Variants in REST observed in about 807,000 individuals in gnomAD.
REST encodes the protein RE1 silencing transcription factor.
REST carries 1 observed loss-of-function variant against 30.4 expected under a neutral mutation model. The observed-to-expected ratio is 0.03, with a 90% confidence interval of 0.01 to 0.16. The LOEUF is 0.16. REST is among the 10% of genes least tolerant of loss of function. The pLI is 1.00. For missense variants in REST, 1,259 were observed against 1,329.5 expected, an observed-to-expected ratio of 0.95 and a Z score of 0.82; for synonymous variants, 504 against 451.1, an observed-to-expected ratio of 1.12 and a Z score of -1.49.
At chr4:56,915,624 C>A (rs527725271) in intron 2 of REST, among the ~76,000 whole-genome samples, 27 of 152,150 alleles carry the variant, frequency 1.8e-4, no homozygotes, top group Non-Finnish European at 3.2e-4. Context: ...CTGAAAGTAT[C>A]TCTGGTATTA....
chr4:56,918,887 T>C (rs756560569), intron 2 of REST, among the ~76,000 whole-genome samples: 1 of 151,966 alleles, frequency 6.6e-6, no homozygotes, highest in Non-Finnish European at 1.5e-5. Context: ...CCCAGGCTAG[T>C]CTTGAACTCC....
chr4:56,927,754 C>A, intron 3 of REST: 1 of 425,164 alleles, frequency 2.4e-6, no homozygotes, highest in South Asian at 2.5e-5. Context: ...TGTGACTTTG[C>A]TTATTTTACA....
chr4:56,919,248 T>C (rs1720340074), intron 2 of REST, among the ~76,000 whole-genome samples: 1 of 152,164 alleles, frequency 6.6e-6, no homozygotes, highest in African/African-American at 2.4e-5. Context: ...GAGGTATTGC[T>C]GTGTTGCCCA....
At chr4:56,913,303 A>G (rs1262359373) in intron 2 of REST, among the ~76,000 whole-genome samples, 2 of 152,132 alleles carry the variant, frequency 1.3e-5, no homozygotes, top group African/African-American at 4.8e-5. Context: ...GGGACTACAG[A>G]TGTGCCCTAC....
rs773645911 is a variant in REST at position 56,931,437 on chromosome 4, T to A, written c.2579T>A (p.Leu860His). The change falls in exon 4 of 4, where the codon CTC (leucine) becomes CAC (histidine). Residue 860 changes from leucine to histidine, a missense_variant. By Grantham distance (99) the Leu-to-His change is moderately conservative. Around this residue, in one of 5 missense-constraint regions of REST, gnomAD observed 856 missense variants for 772.8 expected, o/e 1.11. Coordinates refer to ENST00000309042, the MANE Select transcript of REST (RefSeq NM_005612.5). ...AAGGAAAGTGTAAGCACAGAGGATC[T>A]CTCACCACCATCACCACCACTGCCA... ...LLKESVSTED[L>H]SPPSPPLPKE... is the part of the protein sequence containing the mutation. 4.5e-5 allele frequency: 72 copies of A among 1,614,204 alleles called. No individual in the cohort carries two copies. The highest frequency in any genetic ancestry group is 4.7e-5 in the Non-Finnish European group (55 of 1,180,038).
Position 56,931,467 on chromosome 4 carries a change from A to G in REST, c.2609A>G (p.Glu870Gly), listed in dbSNP as rs1720968868. The change falls in exon 4 of 4, where the codon GAA (glutamate) becomes GGA (glycine). Residue 870 changes from glutamate (E) to glycine (G), a missense_variant. This residue lies in a region of REST where 856 missense variants were observed against 772.8 expected (regional missense o/e 1.11). Transcript: ENST00000309042. ...LSPPSPPLPK[E>G]NLREEASGDQ... ...CCACCATCACCACCACTGCCAAAGG[A>G]AAATTTAAGAGAAGAGGCATCAGGA... 6.2e-7 allele frequency: 1 copy of G among 1,614,220 alleles called. No individual in the cohort carries two copies. Among genetic ancestry groups the G allele is most frequent in the East Asian group, 2.2e-5 (1 of 44,892 alleles).
In REST at chr4:56,931,321, G is replaced by A; in HGVS notation, c.2463G>A (p.Lys821=). The change falls in exon 4 of 4, where the codon AAG becomes AAA. Residue 821 remains lysine (K), a synonymous_variant. Transcript: ENST00000309042. ...AGCCTCCTCTCCGAAAAGATAAAAA[G>A]GAAAAGTCTAACATGCAGAGTGAAA... ...SKKPPLRKDK[K]EKSNMQSERA... is the part of the protein sequence containing the mutation. 6.2e-7 allele frequency: 1 copy of A among 1,614,238 alleles called. No homozygotes were observed. The highest frequency in any genetic ancestry group is 1.6e-4 in the Middle Eastern group (1 of 6,062).
chr4:56,910,885 A>C lies in REST; in HGVS notation c.247A>C (p.Asn83His). 1 of 1,614,206 alleles carries C rather than the reference A, an allele frequency of 6.2e-7. No individual in the cohort carries two copies. The highest frequency in any genetic ancestry group is 1.1e-5 in the South Asian group (1 of 91,080). The change falls in exon 2 of 4, where the codon AAC becomes CAC. Residue 83 changes from asparagine (N) to histidine (H), a missense_variant. By Grantham distance (68) the Asn-to-His change is moderately conservative. Coordinates refer to ENST00000309042, the MANE Select transcript of REST (RefSeq NM_005612.5). ...AGAACTGATGCCGGTTGGGGATAAC[A>C]ACTTTTCAGATAGTGAAGAAGGAGA... Reference protein sequence around the residue: ...MAELMPVGDNNFSDSEEGEGL... With the variant: ...MAELMPVGDNHFSDSEEGEGL...
chr4:56,917,157 CT>C (rs1000375041), intron 2 of REST, among the ~76,000 whole-genome samples: 1 of 151,962 alleles, frequency 6.6e-6, no homozygotes, highest in African/African-American at 2.4e-5. Context: ...ATTTGTAAAT[CT>C]TTTTTTTACA....
chr4:56,909,908 G>A (rs990478120), intron 1 of REST, among the ~76,000 whole-genome samples: 4 of 152,168 alleles, frequency 2.6e-5, no homozygotes, highest in Non-Finnish European at 4.4e-5. Context: ...TCAGTGTTGT[G>A]GAACTTCAGC....
chr4:56,920,012 G>A (rs369444880), intron 3 of REST, 142 bp downstream of exon 3: 52 of 416,354 alleles, frequency 1.2e-4, no homozygotes, highest in Admixed American at 2.8e-4. Context: ...TCAGTATTCC[G>A]TCAATCTGGG....
chr4:56,918,584 GCTCT>G (rs982887790), intron 2 of REST, among the ~76,000 whole-genome samples: 3 of 151,920 alleles, frequency 2.0e-5, no homozygotes, highest in East Asian at 1.9e-4. Flanking sequence ...TTAGAGACAG[GCTCT>G]CTCTCTGTAC....
chr4:56,935,793 A>G lies in REST; in HGVS notation c.*3641A>G, dbSNP rs1304316501. 2.6e-5 allele frequency: 4 copies of G among 152,256 alleles called. No individual in the cohort carries two copies. Among genetic ancestry groups the G allele is most frequent in the African/African-American group, 9.6e-5 (4 of 41,474 alleles). The allele number at this position is 152,256 out of a possible 1,614,324, so 9.4% of individuals were successfully genotyped here. A position where few individuals can be genotyped will look rare whatever the true frequency, so the allele number is the denominator to read the frequency against. On this transcript the variant is annotated 3_prime_UTR_variant, in exon 4 of 4. Coordinates refer to ENST00000309042, the MANE Select transcript of REST (RefSeq NM_005612.5). ...CTTAAATTGCATTCTATTAACCAATATGAGTGTATTTCTGTAAGCATAGTT... is the reference window on the plus strand; with the variant it reads ...CTTAAATTGCATTCTATTAACCAATGTGAGTGTATTTCTGTAAGCATAGTT...
rs544621365 is a variant in REST, at chr4:56,925,184, A to G, written c.983-4657A>G. Among the ~76,000 whole-genome samples, 75 of 149,634 alleles carry G rather than the reference A, an allele frequency of 5.0e-4. 1 individual carries two copies. In the South Asian group the frequency reaches 0.014, roughly 28 times the overall value. The stretch of plus-strand genomic sequence containing the variant: ...AGTCTCAAAAAAAAAAAAAAAAAAA[A>G]TTTCTTTGCCATTCTCTCTTGGTTT... On this transcript the variant is annotated intron_variant, in intron 3 of 3. Transcript: ENST00000309042.
chr4:56,934,220 C>G lies in REST; in HGVS notation c.*2068C>G, dbSNP rs987659190. The G allele has an allele frequency of 6.6e-6, 1 of 152,144 alleles. No individual in the cohort carries two copies. The highest frequency in any genetic ancestry group is 2.4e-5 in the African/African-American group (1 of 41,426). The allele number at this position is 152,144 out of a possible 1,614,324, so 9.4% of individuals were successfully genotyped here. A position where few individuals can be genotyped will look rare whatever the true frequency, so the allele number is the denominator to read the frequency against. On this transcript the variant is annotated 3_prime_UTR_variant, in exon 4 of 4. Coordinates refer to ENST00000309042, the MANE Select transcript of REST (RefSeq NM_005612.5). ...AAAGCTAGTTAAGTCTTTCTAATGA[C>G]TAGTTTTAATGTTCATGGGTACATT...
intron 3 of REST, chr4:56,927,471 T>G (rs994872616): frequency 1.1e-5 from 2 of 177,270 alleles, no homozygotes; most frequent in South Asian, 2.5e-4. Context: ...CATGTAAAAC[T>G]TAACATCTAC....
chr4:56,931,193 A>G lies in REST; in HGVS notation c.2335A>G (p.Met779Val), dbSNP rs537388979. 6.8e-6 allele frequency: 11 copies of G among 1,613,958 alleles called. No individual in the cohort carries two copies. The African/African-American group carries it at 8.0e-5, about 12-fold the overall frequency. Residue 779 changes from methionine to valine, a missense_variant, in exon 4 of 4, where the codon ATG (methionine) becomes GTG (valine). Transcript: ENST00000309042. ...GGTGGTCCAGAAGGAGCCTGTTCAG[A>G]TGGAGTTGTCTCCTCCCATGGGGGT... Reference protein sequence around the residue: ...IEVVQKEPVQMELSPPMGVVQ... With the variant: ...IEVVQKEPVQVELSPPMGVVQ...
At chr4:56,923,271 TTTG>T (rs1038457782) in intron 3 of REST, among the ~76,000 whole-genome samples, 98 of 152,160 alleles carry the variant, frequency 6.4e-4, no homozygotes, top group African/African-American at 1.5e-3. Flanking sequence ...AATAAGTAAT[TTTG>T]TTGTTGTTGT....
At chr4:56,921,057 G>A (rs1180577678) in intron 3 of REST, among the ~76,000 whole-genome samples, 1 of 151,760 alleles carries the variant, frequency 6.6e-6, no homozygotes, top group Non-Finnish European at 1.5e-5. Context: ...GTAGAGATGG[G>A]GTTTCACCAT....
Sources: gnomAD v4.1 joint callset for allele counts (sites outside exome capture counted in the v4.1 genomes callset) on GRCh38, gnomAD v4.1.1 for gene constraint, gnomAD v4.1.1 regional missense constraint, MANE v1.5 for transcripts, NCBI Gene and HGNC (gene_info 2026-07-23, HGNC 2026-07-21) for gene names.